The following CSMD1 variants were observed in gnomAD, a reference collection of about 807,000 sequenced individuals.
CSMD1 encodes CUB and sushi domain-containing protein 1.
A neutral mutation model predicts 417.5 loss-of-function variants in CSMD1; 213 were observed. That is an observed-to-expected ratio of 0.51 (90% CI 0.46 to 0.57). CSMD1 has a LOEUF of 0.57. Among genes scored for constraint, CSMD1 ranks in the 20% least tolerant of loss-of-function variants. The probability of loss-of-function intolerance (pLI) is 0.00; values close to 1 mark genes in which losing one functional copy is unlikely to be tolerated. For synonymous variants in CSMD1, 2,862 were observed against 1,736.8 expected (o/e 1.65, Z -16.11); for missense variants, 6,923 against 4,529.7 (o/e 1.53, Z -15.17).
intron 1 of CSMD1, among the ~76,000 whole-genome samples, chr8:4,883,984 C>G (rs573795484): frequency 6.6e-6 from 1 of 152,022 alleles, no homozygotes; most frequent in Non-Finnish European, 1.5e-5. Context: ...TTCCAATCCT[C>G]TACAATACTT....
At chr8:3,290,614 TG>T (rs1803481624) in intron 25 of CSMD1, among the ~76,000 whole-genome samples, 1 of 147,180 alleles carries the variant, frequency 6.8e-6, no homozygotes, top group Non-Finnish European at 1.5e-5. Flanking sequence ...ACTCATGATT[TG>T]GCTCTCTGTT....
chr8:4,445,384 A>C (rs1027061758), intron 2 of CSMD1, among the ~76,000 whole-genome samples: 8 of 152,206 alleles, frequency 5.3e-5, no homozygotes, highest in African/African-American at 1.9e-4. Context: ...GGAGCTCAAC[A>C]AATTCTATGC....
chr8:4,059,640 T>TA (rs1798869770), intron 3 of CSMD1, among the ~76,000 whole-genome samples: 10 of 152,164 alleles, frequency 6.6e-5, no homozygotes, highest in Non-Finnish European at 1.5e-4. Flanking sequence ...AAATACAAAC[T>TA]GCCATCAGAG....
intron 3 of CSMD1, among the ~76,000 whole-genome samples, chr8:4,279,876 G>C (rs1226041796): frequency 6.6e-6 from 1 of 152,172 alleles, no homozygotes; most frequent in Non-Finnish European, 1.5e-5. Flanking sequence ...ATCTGAAGCA[G>C]ATGCCAACTG....
At chr8:2,972,450 T>C (rs1483191397) in intron 57 of CSMD1, among the ~76,000 whole-genome samples, 3 of 152,214 alleles carry the variant, frequency 2.0e-5, no homozygotes, top group Non-Finnish European at 4.4e-5. Context: ...CTGTCTGAAT[T>C]CTAAATCGGG....
At chr8:3,257,829 C>T (rs1800773704) in intron 26 of CSMD1, among the ~76,000 whole-genome samples, 1 of 152,046 alleles carries the variant, frequency 6.6e-6, no homozygotes, top group South Asian at 2.1e-4. Flanking sequence ...GGGAGAATTG[C>T]AGGCAGCTGC....
intron 5 of CSMD1, among the ~76,000 whole-genome samples, chr8:3,881,577 C>G (rs1376367742): frequency 1.3e-5 from 2 of 148,356 alleles, no homozygotes; most frequent in African/African-American, 5.0e-5. Context: ...TGCAGTCCAG[C>G]CTGCCTGGGT....
chr8:4,248,784 C>G (rs1030198968), intron 3 of CSMD1, among the ~76,000 whole-genome samples: 4 of 152,070 alleles, frequency 2.6e-5, no homozygotes, highest in Non-Finnish European at 4.4e-5. Context: ...GTCAGTTTTC[C>G]TCCTCTGAAT....
At chr8:3,432,927 T>A (rs991886349) in intron 12 of CSMD1, among the ~76,000 whole-genome samples, 1 of 152,194 alleles carries the variant, frequency 6.6e-6, no homozygotes, top group Non-Finnish European at 1.5e-5. Context: ...CTTCTAATCA[T>A]TGAAGAACAT....
At chr8:4,144,063 G>A (rs915589430) in intron 3 of CSMD1, among the ~76,000 whole-genome samples, 4 of 151,240 alleles carry the variant, frequency 2.6e-5, no homozygotes, top group South Asian at 2.1e-4. Context: ...GAAATGGGGA[G>A]ACGGAAGTTT....
chr8:4,551,041 C>A (rs564395053), intron 2 of CSMD1, among the ~76,000 whole-genome samples: 1 of 152,206 alleles, frequency 6.6e-6, no homozygotes, highest in African/African-American at 2.4e-5. Context: ...TGAAGTAGTC[C>A]TTGACAACAA....
chr8:3,379,671 G>A (rs1810513956), intron 18 of CSMD1, among the ~76,000 whole-genome samples: 1 of 152,158 alleles, frequency 6.6e-6, no homozygotes, highest in Non-Finnish European at 1.5e-5. Flanking sequence ...TTAATAAATG[G>A]TGTTGGGAAA....
intron 1 of CSMD1, among the ~76,000 whole-genome samples, chr8:4,773,174 T>C (rs1796682773): frequency 6.6e-6 from 1 of 152,192 alleles, no homozygotes; most frequent in South Asian, 2.1e-4. Flanking sequence ...AATGTTCCTG[T>C]GAGCATTTCC....
chr8:3,178,018 A>G (rs1040983663), intron 37 of CSMD1, among the ~76,000 whole-genome samples: 23 of 152,246 alleles, frequency 1.5e-4, no homozygotes, highest in African/African-American at 5.1e-4. Context: ...AGAATATATT[A>G]ATAATTCAAA....
At position 4,841,840 on chromosome 8, in the gene CSMD1, GGTGGAGGTTACA is replaced by G. The variant is rs1435445599; in HGVS notation, c.85+152480_85+152491del. Among the ~76,000 whole-genome samples, 3 of 149,344 alleles carry G rather than the reference GGTGGAGGTTACA, an allele frequency of 2.0e-5. No homozygotes were observed. The East Asian group carries it at 6.0e-4, about 30-fold the overall frequency. On this transcript the variant is annotated intron_variant, in intron 1 of 69. Transcript: ENST00000635120. ...GCAGGAGAATCGCTTGAACCTGGGA[GGTGGAGGTTACA>G]GTGAGCCGAGATCGCACCGTTGCAC...
chr8:3,641,193 G>A (rs772561668), intron 7 of CSMD1, among the ~76,000 whole-genome samples: 2 of 151,834 alleles, frequency 1.3e-5, no homozygotes, highest in Non-Finnish European at 2.9e-5. Context: ...CACTTGACTG[G>A]GGTACATTGC....
At chr8:4,945,000 C>A (rs918079300) in intron 1 of CSMD1, among the ~76,000 whole-genome samples, 1 of 152,146 alleles carries the variant, frequency 6.6e-6, no homozygotes, top group Admixed American at 6.5e-5. Context: ...GTGGAACCAA[C>A]CCGTGTCCCT....
At chr8:3,639,090 T>C (rs1797182298) in intron 7 of CSMD1, among the ~76,000 whole-genome samples, 2 of 152,138 alleles carry the variant, frequency 1.3e-5, no homozygotes, top group South Asian at 4.1e-4. Context: ...CTTCCACAAA[T>C]TGGAAAAATG....
At chr8:4,961,063 A>C (rs1158161350) in intron 1 of CSMD1, among the ~76,000 whole-genome samples, 1 of 152,116 alleles carries the variant, frequency 6.6e-6, no homozygotes, top group Non-Finnish European at 1.5e-5. Flanking sequence ...TAGTCACTAC[A>C]CTTTGGAGTA....
Sources: gnomAD v4.1 joint callset for allele counts (sites outside exome capture counted in the v4.1 genomes callset) on GRCh38, gnomAD v4.1.1 for gene constraint, MANE v1.5 for transcripts, NCBI Gene and HGNC (gene_info 2026-07-23, HGNC 2026-07-21) for gene names.